ZNHIT3: variants seen among roughly 807,000 people sequenced by gnomAD.
The protein encoded by ZNHIT3 is zinc finger HIT-type containing 3, also known as zinc finger HIT domain-containing protein 3.
A neutral mutation model predicts 19.9 loss-of-function variants in ZNHIT3; 27 were observed. That is an observed-to-expected ratio of 1.36 (90% CI 1.00 to 1.87). ZNHIT3 has a LOEUF of 1.87. Among genes scored for constraint, ZNHIT3 ranks in the 40% most tolerant of loss-of-function variants. The pLI is 0.00. For missense variants in ZNHIT3, 215 were observed against 185.6 expected, an observed-to-expected ratio of 1.16 and a Z score of -0.92; for synonymous variants, 81 against 65.7, an observed-to-expected ratio of 1.23 and a Z score of -1.13.
At chr17:36,499,265 C>T (rs533075777), downstream of ZNHIT3, 124 of 712,604 alleles carry the variant, frequency 1.7e-4, no homozygotes, top group African/African-American at 2.0e-3. Context: ...GTTTCAAATA[C>T]GTTTTTTTTT....
chr17:36,492,690 G>T, intron 2 of ZNHIT3, 123 bp from the exon 3 acceptor site: 2 of 786,272 alleles, frequency 2.5e-6, no homozygotes, highest in South Asian at 1.7e-5. Flanking sequence ...CACATTCCTG[G>T]GCACCCACCC....
rs368024761 is a variant in ZNHIT3 at position 36,486,716 on chromosome 17, G to A, written c.17G>A (p.Cys6Tyr). Residue 6 changes from cysteine to tyrosine, a missense_variant, in exon 1 of 5, where the codon TGT becomes TAT. Transcript: ENST00000617429. ...CACAAAACCATGGCGTCGCTCAAATGTAGCACCGTCGTCTGCGTGATCTGC... is the reference window on the plus strand; with the variant it reads ...CACAAAACCATGGCGTCGCTCAAATATAGCACCGTCGTCTGCGTGATCTGC... The part of the protein sequence containing the change: MASLK[C>Y]STVVCVICLE... 7.5e-5 allele frequency: 121 copies of A among 1,613,820 alleles called. 1 individual carries two copies. The highest frequency in any genetic ancestry group is 9.9e-5 in the Non-Finnish European group (117 of 1,179,930).
chr17:36,496,398 T>C (rs1245992556), downstream of ZNHIT3: 2 of 1,613,908 alleles, frequency 1.2e-6, no homozygotes, highest in Non-Finnish European at 1.7e-6. Flanking sequence ...AGTGAAACTT[T>C]ATCGATCCCT....
downstream of ZNHIT3, among the ~76,000 whole-genome samples, chr17:36,497,347 T>C (rs1355084576): frequency 6.7e-6 from 1 of 149,004 alleles, no homozygotes; most frequent in Admixed American, 6.7e-5. Flanking sequence ...CACAGAGAAC[T>C]TGGACCACTG....
At chr17:36,492,946 A>G (rs191415127) in intron 3 of ZNHIT3, 47 bp downstream of exon 3, 323 of 1,534,184 alleles carry the variant, frequency 2.1e-4, no homozygotes, top group African/African-American at 5.5e-4. Context: ...TTCACATAGA[A>G]TAAGTCGAAG....
intron 4 of ZNHIT3, among the ~76,000 whole-genome samples, chr17:36,494,374 A>G (rs2070818905): frequency 6.6e-6 from 1 of 152,212 alleles, no homozygotes; most frequent in Non-Finnish European, 1.5e-5. Context: ...ATTTCATGGT[A>G]ATTTGTCTCT....
At chr17:36,497,669 C>G (rs2071123748), downstream of ZNHIT3, 1 of 403,938 alleles carries the variant, frequency 2.5e-6, no homozygotes, top group South Asian at 1.0e-4. Context: ...ACTGCAACCT[C>G]TCCCTCCCAG....
Position 36,493,966 on chromosome 17 carries a change from GGAA to G in ZNHIT3, c.252_254del (p.Glu84del), listed in dbSNP as rs2070793985. On this transcript the variant is annotated inframe_deletion, in exon 4 of 5. Transcript: ENST00000617429. Reference sequence around the variant, plus strand: ...TAGCTGATTTTCTCAATAGTGATGAGGAAGAAGACAGAGTTTCTTTGCAGAATT... The same window carrying G: ...TAGCTGATTTTCTCAATAGTGATGAGGAAGACAGAGTTTCTTTGCAGAATT... 1 of 1,613,662 alleles carries G rather than the reference GGAA, an allele frequency of 6.2e-7. No homozygotes were observed. Among genetic ancestry groups the G allele is most frequent in the African/African-American group, 1.3e-5 (1 of 74,928 alleles).
intron 3 of ZNHIT3, among the ~76,000 whole-genome samples, chr17:36,493,602 T>C (rs940025212): frequency 1.3e-5 from 2 of 152,252 alleles, no homozygotes; most frequent in Non-Finnish European, 2.9e-5. Context: ...TGGAGCCATG[T>C]TGAGGTGGGG....
Position 36,486,737 on chromosome 17 carries a change from T to G in ZNHIT3, c.38T>G (p.Ile13Ser). The change falls in exon 1 of 5, where the codon ATC becomes AGC. Residue 13 changes from isoleucine to serine, a missense_variant. By Grantham distance (142) the Ile-to-Ser change is moderately radical. Coordinates refer to ENST00000617429, the MANE Select transcript of ZNHIT3 (RefSeq NM_004773.4). The stretch of plus-strand genomic sequence containing the variant: ...AAATGTAGCACCGTCGTCTGCGTGA[T>G]CTGCTTGGAGAAGCCCAAATACCGC... ...SLKCSTVVCVICLEKPKYRCP... is the reference protein window; with the variant it reads ...SLKCSTVVCVSCLEKPKYRCP... 6.2e-7 allele frequency: 1 copy of G among 1,613,866 alleles called. No individual in the cohort carries two copies. Among genetic ancestry groups the G allele is most frequent in the Non-Finnish European group, 8.5e-7 (1 of 1,179,892 alleles).
chr17:36,496,539 A>T, downstream of ZNHIT3: 1 of 782,916 alleles, frequency 1.3e-6, no homozygotes, highest in South Asian at 1.8e-5. Flanking sequence ...CAGCAGGATT[A>T]AAATAGCATT....
downstream of ZNHIT3, chr17:36,495,864 C>T: frequency 3.2e-6 from 4 of 1,239,046 alleles, no homozygotes; most frequent in Admixed American, 4.0e-5. Flanking sequence ...AGATTTTTCC[C>T]AGCCCAAATT....
chr17:36,498,903 G>A, downstream of ZNHIT3: 2 of 610,120 alleles, frequency 3.3e-6, no homozygotes, highest in Non-Finnish European at 5.8e-6. Flanking sequence ...CCACCCTGCA[G>A]GGTAGGTGTT....
In ZNHIT3 at chr17:36,495,659, G is replaced by A. The variant is rs1397716803; in HGVS notation, c.*255G>A. ...GATTGTTTTTAAATGTTTTACTTTT[G>A]GTACAGTTGATAGACATCATAAACG... On this transcript the variant is annotated 3_prime_UTR_variant, in exon 5 of 5. Transcript: ENST00000617429. The A allele has an allele frequency of 3.1e-6, 4 of 1,285,254 alleles. No homozygotes were observed. In the Admixed American group the frequency reaches 1.5e-4, roughly 48 times the overall value. 79.6% of individuals were successfully genotyped at this position (1,285,254 alleles called of 1,614,324 possible).
rs1367642482 is a variant in ZNHIT3 at position 36,492,712 on chromosome 17, C to T, written c.119-101C>T. The T allele has an allele frequency of 7.9e-6, 8 of 1,016,420 alleles. No individual in the cohort carries two copies. In the Admixed American group the frequency reaches 1.6e-4, roughly 20 times the overall value. 63.0% of individuals were successfully genotyped at this position (1,016,420 alleles called of 1,614,324 possible). ...CTGGGCACCCACCCACATCCCTTAC[C>T]CCAGACACTTGCTTCCTACCTAGAT... is the stretch of plus-strand genomic sequence containing the variant. On this transcript the variant is annotated intron_variant, in intron 2 of 4. Transcript: ENST00000617429.
rs1369170849 is a variant in ZNHIT3 at position 36,493,938 on chromosome 17, CTA to C, written c.221_222del (p.Ile74SerfsTer2). ...TTGTATTCCTTAGATGATGATGACT[CTA>C]TAGCTGATTTTCTCAATAGTGATGA... is the stretch of plus-strand genomic sequence containing the variant. On this transcript the variant is annotated frameshift_variant, in exon 4 of 5. Coordinates refer to ENST00000617429, the MANE Select transcript of ZNHIT3 (RefSeq NM_004773.4). LOFTEE classifies it high-confidence loss of function. 3 of 1,613,374 alleles carry C rather than the reference CTA, an allele frequency of 1.9e-6. No homozygotes were observed. In the Admixed American group the frequency reaches 5.0e-5, roughly 27 times the overall value.
downstream of ZNHIT3, chr17:36,498,501 GAGA>G: frequency 6.2e-7 from 1 of 1,614,052 alleles, no homozygotes. Flanking sequence ...GGGAGCTTGA[GAGA>G]AGTGTTTTTC....
chr17:36,488,731 A>G (rs986046932), intron 2 of ZNHIT3, among the ~76,000 whole-genome samples: 1 of 152,216 alleles, frequency 6.6e-6, no homozygotes, highest in Non-Finnish European at 1.5e-5. Context: ...AATTTGAGTT[A>G]CAGTGTGATA....
At position 36,495,418 on chromosome 17, in the gene ZNHIT3, G is replaced by C; in HGVS notation, c.*14G>C. The stretch of plus-strand genomic sequence containing the variant: ...GAGGAGTCTTAAGATGGATTATTGT[G>C]CTGCTTGCTCAAGCGTGTGCTTGAC... On this transcript the variant is annotated 3_prime_UTR_variant, in exon 5 of 5. Coordinates refer to ENST00000617429, the MANE Select transcript of ZNHIT3 (RefSeq NM_004773.4). The C allele has an allele frequency of 1.3e-6, 2 of 1,578,338 alleles. No individual in the cohort carries two copies. The highest frequency in any genetic ancestry group is 1.7e-6 in the Non-Finnish European group (2 of 1,163,630).
Sources: allele counts gnomAD v4.1 joint callset (sites outside exome capture counted in the v4.1 genomes callset), GRCh38; gene constraint gnomAD v4.1.1; transcripts MANE v1.5; gene names NCBI Gene and HGNC (gene_info 2026-07-23, HGNC 2026-07-21).